The following DLGAP2 variants were observed in gnomAD, a reference collection of about 807,000 sequenced individuals.
The protein encoded by DLGAP2 is disks large-associated protein 2.
A neutral mutation model predicts 100.3 loss-of-function variants in DLGAP2; 26 were observed. The ratio of observed to expected loss-of-function variants is 0.26; its 90% CI spans 0.19 to 0.36. DLGAP2 has a LOEUF of 0.36. DLGAP2 is among the 10% of genes least tolerant of loss of function. DLGAP2 has a pLI of 1.00. For synonymous variants in DLGAP2, 886 were observed against 630.1 expected (o/e 1.41, Z -6.08); for missense variants, 1,858 against 1,453.2 (o/e 1.28, Z -4.53).
chr8:1,634,914 A>T (rs1422304719), intron 8 of DLGAP2, among the ~76,000 whole-genome samples: 1 of 152,188 alleles, frequency 6.6e-6, no homozygotes, highest in African/African-American at 2.4e-5. Context: ...CTACCAAATA[A>T]ATTACAAAAA....
At chr8:1,358,850 C>A (rs1048971696) in intron 3 of DLGAP2, among the ~76,000 whole-genome samples, 2 of 152,110 alleles carry the variant, frequency 1.3e-5, no homozygotes, top group African/African-American at 4.8e-5. Context: ...AGGAGCCCTG[C>A]GGCAGGGCGT....
rs7012140 is a variant in DLGAP2, at chr8:1,456,788, G to A, written c.107-44578G>A. Among the ~76,000 whole-genome samples the A allele has an allele frequency of 4.6e-3, 228 of 49,352 alleles. 1 individual carries two copies. The highest frequency in any genetic ancestry group is 7.1e-3 in the South Asian group (7 of 990). 32.4% of individuals were successfully genotyped at this position (49,352 alleles called of 152,430 possible). On this transcript the variant is annotated intron_variant, in intron 3 of 14. Transcript: ENST00000637795. The stretch of plus-strand genomic sequence containing the variant: ...TGTGCACTGGTGAAATTGGTTTTGC[G>A]AGGGAGCTCTGTGATGCCGTGAGCC...
At chr8:1,338,714 A>G (rs17669920) in intron 3 of DLGAP2, among the ~76,000 whole-genome samples, 57,472 of 137,596 alleles carry the variant, frequency 0.42, 15,987 homozygotes, top group African/African-American at 0.76. Flanking sequence ...ACGGTCCCAT[A>G]ATGGGGAGAG....
chr8:1,104,450 G>A (rs917457707), intron 2 of DLGAP2, among the ~76,000 whole-genome samples: 2 of 152,206 alleles, frequency 1.3e-5, no homozygotes, highest in Admixed American at 6.5e-5. Context: ...AAGAAGTCAC[G>A]GCACGTGTGG....
chr8:1,213,989 C>A (rs1362696954), intron 2 of DLGAP2, among the ~76,000 whole-genome samples: 1 of 151,326 alleles, frequency 6.6e-6, no homozygotes, highest in African/African-American at 2.5e-5. Flanking sequence ...CCGCCTCTGC[C>A]CTAGCATCCA....
intron 4 of DLGAP2, among the ~76,000 whole-genome samples, chr8:1,516,056 A>AGTGG (rs1800363679): frequency 6.6e-6 from 1 of 152,028 alleles, no homozygotes; most frequent in Admixed American, 6.5e-5. Flanking sequence ...TGAATGAGTG[A>AGTGG]GTGGGTGAGT....
intron 2 of DLGAP2, among the ~76,000 whole-genome samples, chr8:1,223,106 C>A (rs186436056): frequency 6.6e-6 from 1 of 152,128 alleles, no homozygotes; most frequent in African/African-American, 2.4e-5. Context: ...TAGGTGGGAT[C>A]GGGGAGATCC....
At chr8:1,543,042 A>C (rs1465163492) in intron 4 of DLGAP2, among the ~76,000 whole-genome samples, 1 of 152,108 alleles carries the variant, frequency 6.6e-6, no homozygotes, top group Non-Finnish European at 1.5e-5. Context: ...TATGCCCATT[A>C]TTATTTGGAT....
At chr8:1,169,820 A>G (rs1563227916) in intron 2 of DLGAP2, among the ~76,000 whole-genome samples, 3 of 151,992 alleles carry the variant, frequency 2.0e-5, no homozygotes, top group East Asian at 1.9e-4. Context: ...CAATCATGTC[A>G]TCTGCAAACA....
At chr8:1,626,958 G>T in intron 7 of DLGAP2, 71 bp downstream of exon 7, 5 of 1,511,216 alleles carry the variant, frequency 3.3e-6, no homozygotes, top group Non-Finnish European at 3.5e-6. Context: ...GGCCCCGGCC[G>T]CATAGGTGGC....
chr8:1,181,982 C>A (rs972792456), intron 2 of DLGAP2, among the ~76,000 whole-genome samples: 2 of 152,226 alleles, frequency 1.3e-5, no homozygotes, highest in East Asian at 1.9e-4. Flanking sequence ...ATAGTTGAGG[C>A]AGAAGGTGAA....
chr8:958,994 A>G (rs1799660384), intron 2 of DLGAP2, among the ~76,000 whole-genome samples: 1 of 152,234 alleles, frequency 6.6e-6, no homozygotes, highest in Non-Finnish European at 1.5e-5. Context: ...TGCAGCAACA[A>G]AATGTCTTTC....
At chr8:1,616,581 G>T (rs1252269149) in intron 6 of DLGAP2, among the ~76,000 whole-genome samples, 1 of 152,154 alleles carries the variant, frequency 6.6e-6, no homozygotes, top group South Asian at 2.1e-4. Context: ...GAAGACAATG[G>T]AATCATACCT....
At chr8:995,854 A>G (rs763997025) in intron 2 of DLGAP2, among the ~76,000 whole-genome samples, 14 of 152,164 alleles carry the variant, frequency 9.2e-5, no homozygotes, top group Non-Finnish European at 1.8e-4. Context: ...GTGTCTCTCC[A>G]TGGAGGGTTA....
intron 2 of DLGAP2, among the ~76,000 whole-genome samples, chr8:1,140,585 C>G (rs1277030509): frequency 6.6e-6 from 1 of 152,126 alleles, no homozygotes; most frequent in African/African-American, 2.4e-5. Flanking sequence ...CCATAGGGCT[C>G]TGGCCCTGAC....
chr8:955,005 A>G (rs1387535759), intron 2 of DLGAP2, among the ~76,000 whole-genome samples: 1 of 152,146 alleles, frequency 6.6e-6, no homozygotes, highest in Non-Finnish European at 1.5e-5. Context: ...AGCAAATAGC[A>G]TTCCACAGAA....
intron 6 of DLGAP2, among the ~76,000 whole-genome samples, chr8:1,569,079 C>T (rs1295439570): frequency 6.6e-6 from 1 of 150,464 alleles, no homozygotes; most frequent in Non-Finnish European, 1.5e-5. Context: ...AGACACAAAT[C>T]CGTCTCTGCC....
chr8:968,607 C>G (rs1799939112), intron 2 of DLGAP2, among the ~76,000 whole-genome samples: 8 of 152,216 alleles, frequency 5.3e-5, no homozygotes, highest in Non-Finnish European at 2.9e-5. Flanking sequence ...TGAGTGCATC[C>G]TCAGTTGGGA....
rs1563095083 is a variant in DLGAP2 at position 1,344,147 on chromosome 8, G to GCCCTGTCGTGAGTCCGTGTACTCGGGT, written c.106+85274_106+85275insAGTCCGTGTACTCGGGTCCCTGTCGTG. Among the ~76,000 whole-genome samples, 23 of 151,118 alleles carry GCCCTGTCGTGAGTCCGTGTACTCGGGT rather than the reference G, an allele frequency of 1.5e-4. 1 individual carries two copies. Among genetic ancestry groups the GCCCTGTCGTGAGTCCGTGTACTCGGGT allele is most frequent in the Non-Finnish European group, 2.2e-4 (15 of 67,712 alleles). On this transcript the variant is annotated intron_variant, in intron 3 of 14. Transcript: ENST00000637795. ...CCTGTCGTGGGTCCGTGTACTCGGG[G>GCCCTGTCGTGAGTCCGTGTACTCGGGT]CCCTGTCGTGGGTCTTTGTACTCGG...
Sources: gnomAD v4.1 joint callset for allele counts (sites outside exome capture counted in the v4.1 genomes callset) on GRCh38, gnomAD v4.1.1 for gene constraint, MANE v1.5 for transcripts, NCBI Gene and HGNC (gene_info 2026-07-23, HGNC 2026-07-21) for gene names.